The following SLC6A16 variants were observed in gnomAD, a reference collection of about 807,000 sequenced individuals.
SLC6A16 encodes solute carrier family 6 member 16.
SLC6A16 carries 54 observed loss-of-function variants against 65.4 expected under a neutral mutation model. That is an observed-to-expected ratio of 0.83 (90% CI 0.66 to 1.04). SLC6A16 has a LOEUF of 1.04. Among genes scored for constraint, SLC6A16 ranks in the 50% least tolerant of loss-of-function variants. The pLI is 0.00. For missense variants in SLC6A16, 816 were observed against 914.0 expected, an observed-to-expected ratio of 0.89 and a Z score of 1.38; for synonymous variants, 330 against 346.5, an observed-to-expected ratio of 0.95 and a Z score of 0.53.
the SLC6A16 span, chr19:49,339,229 G>A: frequency 9.7e-7 from 1 of 1,035,200 alleles, no homozygotes; most frequent in Non-Finnish European, 1.5e-6. This position sits in a 1 kb window ranked among gnomAD's most constrained non-coding sequence, Gnocchi z 4.5. Context: ...AGGGGAGCGG[G>A]TAGATGCCTG....
At chr19:49,291,316 C>T (rs1970074383) in intron 10 of SLC6A16, among the ~76,000 whole-genome samples, 1 of 152,002 alleles carries the variant, frequency 6.6e-6, no homozygotes, top group South Asian at 2.1e-4. Context: ...CCCTAACTCT[C>T]CAGTCTTCCT....
intron 1 of SLC6A16, among the ~76,000 whole-genome samples, chr19:49,324,807 C>T (rs1374624275): frequency 6.6e-6 from 1 of 152,226 alleles, no homozygotes; most frequent in South Asian, 2.1e-4. Context: ...GGAATTGGCT[C>T]AAACTCGGAC....
intron 1 of SLC6A16, among the ~76,000 whole-genome samples, chr19:49,319,497 AT>A (rs1477987409): frequency 3.2e-4 from 49 of 150,904 alleles, no homozygotes; most frequent in Non-Finnish European, 6.3e-4. Flanking sequence ...ATACTTATAC[AT>A]ATATGTGTAT....
intron 1 of SLC6A16, among the ~76,000 whole-genome samples, chr19:49,324,787 A>G (rs1970771384): frequency 6.6e-6 from 1 of 152,256 alleles, no homozygotes. Context: ...TGATGGCCGA[A>G]TCCTGTCAAG....
At chr19:49,312,569 C>T in intron 1 of SLC6A16, 1 of 984,876 alleles carries the variant, frequency 1.0e-6, no homozygotes, top group Non-Finnish European at 1.2e-6. Flanking sequence ...CTCTGAACTT[C>T]TGTTGGCTCT....
At chr19:49,335,274 CA>C in the SLC6A16 span, 1 of 503,796 alleles carries the variant, frequency 2.0e-6, no homozygotes, top group East Asian at 3.5e-5. This position sits in a 1 kb window ranked among gnomAD's most constrained non-coding sequence, Gnocchi z 4.6. Flanking sequence ...TTGGTGCCCA[CA>C]AATTCCAAGG....
At chr19:49,339,980 A>G in the SLC6A16 span, 1 of 1,429,148 alleles carries the variant, frequency 7.0e-7, no homozygotes, top group Non-Finnish European at 9.1e-7. This position sits in a 1 kb window ranked among gnomAD's most constrained non-coding sequence, Gnocchi z 4.5. Flanking sequence ...GAGGGGGAAG[A>G]CAGATGAGCC....
rs1197711801 is a variant in SLC6A16 at position 49,307,051 on chromosome 19, C to CTTTTTTTTTTTTTTTT, written c.1229+1824_1229+1825insAAAAAAAAAAAAAAAA. On this transcript the variant is annotated intron_variant, in intron 7 of 11. Coordinates refer to ENST00000335875, the MANE Select transcript of SLC6A16 (RefSeq NM_014037.3). ...GTTACACAGTGCATTGTTTTATACA[C>CTTTTTTTTTTTTTTTT]TTTTTTTTTTTTTTTGTTAGAGGAA... 2.8e-3 allele frequency among the ~76,000 whole-genome samples: 172 copies of CTTTTTTTTTTTTTTTT among 60,926 alleles called. 13 individuals are homozygous for CTTTTTTTTTTTTTTTT. Among genetic ancestry groups the CTTTTTTTTTTTTTTTT allele is most frequent in the East Asian group, 3.0e-3 (5 of 1,672 alleles). The allele number at this position is 60,926 out of a possible 152,430, so 40.0% of individuals were successfully genotyped here. A position where few individuals can be genotyped will look rare whatever the true frequency, so the allele number is the denominator to read the frequency against.
intron 1 of SLC6A16, among the ~76,000 whole-genome samples, chr19:49,323,456 A>C (rs11881962): frequency 0.051 from 7,716 of 152,242 alleles, 614 homozygotes; most frequent in African/African-American, 0.18. Context: ...TCTGAAAATC[A>C]TATGTATAAT....
chr19:49,336,746 A>G, the SLC6A16 span: 8 of 653,298 alleles, frequency 1.2e-5, no homozygotes, highest in African/African-American at 9.1e-5. Flanking sequence ...GAAAGAAGAG[A>G]AAGTTTCAGA....
the SLC6A16 span, among the ~76,000 whole-genome samples, chr19:49,332,521 G>T: frequency 1.3e-5 from 2 of 152,166 alleles, no homozygotes; most frequent in Admixed American, 6.5e-5. Flanking sequence ...TCACACCACA[G>T]CACTCCAGCC....
Position 49,309,781 on chromosome 19 carries a change from T to C in SLC6A16, c.746A>G (p.Gln249Arg). Residue 249 changes from glutamine (Q) to arginine (R), a missense_variant, in exon 5 of 12, where the codon CAG becomes CGG. By Grantham distance (43) the Gln-to-Arg change is conservative (BLOSUM62 1). Coordinates refer to ENST00000335875, the MANE Select transcript of SLC6A16 (RefSeq NM_014037.3). ...RTTPSIYFWYQQALKASDRIE... is the reference protein window; with the variant it reads ...RTTPSIYFWYRQALKASDRIE... ...TCTGTCTGAGGCCTTCAAGGCCTGC[T>C]GGTACCAGAAGTATATGGAGGGTGT... 1 of 1,614,096 alleles carries C rather than the reference T, an allele frequency of 6.2e-7. No individual in the cohort carries two copies. The highest frequency in any genetic ancestry group is 8.5e-7 in the Non-Finnish European group (1 of 1,179,964).
chr19:49,337,019 T>G, the SLC6A16 span: 1 of 1,613,466 alleles, frequency 6.2e-7, no homozygotes, highest in Non-Finnish European at 8.5e-7. Flanking sequence ...GGAGCTCCGC[T>G]GCCTCCTGGG....
At chr19:49,295,026 G>A (rs1031373658) in intron 7 of SLC6A16, among the ~76,000 whole-genome samples, 2 of 151,854 alleles carry the variant, frequency 1.3e-5, no homozygotes, top group East Asian at 1.9e-4. Flanking sequence ...ATGTCCCTAC[G>A]GCCCTCTTCA....
At chr19:49,326,757 G>A (rs188577087), upstream of SLC6A16, among the ~76,000 whole-genome samples, 161 of 151,974 alleles carry the variant, frequency 1.1e-3, no homozygotes, top group African/African-American at 2.9e-3. Context: ...GGTGGCTCAC[G>A]CCTGTAATCC....
intron 7 of SLC6A16, among the ~76,000 whole-genome samples, chr19:49,303,374 C>T (rs1970323796): frequency 2.0e-5 from 3 of 152,096 alleles, no homozygotes; most frequent in Non-Finnish European, 2.9e-5. Flanking sequence ...GTAGGCCGGG[C>T]AGGGTGGCTC....
At chr19:49,296,793 A>G (rs1970195117) in intron 7 of SLC6A16, among the ~76,000 whole-genome samples, 1 of 152,174 alleles carries the variant, frequency 6.6e-6, no homozygotes, top group African/African-American at 2.4e-5. Flanking sequence ...GTTCGAGACC[A>G]GCCTGGCCAA....
chr19:49,299,513 G>A (rs1219542665), intron 7 of SLC6A16, among the ~76,000 whole-genome samples: 9 of 147,776 alleles, frequency 6.1e-5, no homozygotes, highest in African/African-American at 2.3e-4. Flanking sequence ...GAAAGCCTGG[G>A]TGACAGAGGG....
At chr19:49,332,895 C>T in the SLC6A16 span, among the ~76,000 whole-genome samples, 5 of 152,166 alleles carry the variant, frequency 3.3e-5, no homozygotes, top group Non-Finnish European at 7.3e-5. Flanking sequence ...GGCGCAGTGG[C>T]TTACACCTGT....
Sources: gnomAD v4.1 joint callset for allele counts (sites outside exome capture counted in the v4.1 genomes callset) on GRCh38, gnomAD v4.1.1 for gene constraint, Gnocchi (gnomAD v3.1) non-coding constraint, MANE v1.5 for transcripts, NCBI Gene and HGNC (gene_info 2026-07-23, HGNC 2026-07-21) for gene names.